HOMER1: variants seen among roughly 807,000 people sequenced by gnomAD.
HOMER1 encodes the protein homer protein homolog 1.
A neutral mutation model predicts 48.9 loss-of-function variants in HOMER1; 3 were observed. The observed-to-expected ratio is 0.06, with a 90% CI of 0.03 to 0.16. The LOEUF is 0.16. HOMER1 is among the 10% of genes least tolerant of loss of function. The pLI, the probability that HOMER1 is intolerant of heterozygous loss-of-function variation, is 1.00. For synonymous variants in HOMER1, 134 were observed against 146.4 expected, an observed-to-expected ratio of 0.92 and a Z score of 0.61; for missense variants, 247 against 411.4, an observed-to-expected ratio of 0.60 and a Z score of 3.46.
intron 8 of HOMER1, among the ~76,000 whole-genome samples, chr5:79,381,529 C>T (rs1183207845): frequency 6.6e-6 from 1 of 152,142 alleles, no homozygotes; most frequent in African/African-American, 2.4e-5. Flanking sequence ...ATAAAGTCCC[C>T]CCAAAAGAAT....
At chr5:79,417,227 C>T (rs1270002684) in intron 5 of HOMER1, among the ~76,000 whole-genome samples, 1 of 151,972 alleles carries the variant, frequency 6.6e-6, no homozygotes, top group East Asian at 1.9e-4. Context: ...ACTGAAAGCT[C>T]CGCCTCCCGG....
intron 1 of HOMER1, among the ~76,000 whole-genome samples, chr5:79,472,074 T>C (rs990020209): frequency 2.6e-5 from 4 of 152,122 alleles, no homozygotes; most frequent in Non-Finnish European, 5.9e-5. Context: ...ATTGTCCTTT[T>C]CCCCCAAGTA....
intron 8 of HOMER1, among the ~76,000 whole-genome samples, chr5:79,392,039 T>C (rs1749267298): frequency 6.6e-6 from 1 of 152,156 alleles, no homozygotes; most frequent in African/African-American, 2.4e-5. Flanking sequence ...GTGATGCCGA[T>C]ATAAATAAAT....
intron 1 of HOMER1, among the ~76,000 whole-genome samples, chr5:79,476,855 G>C (rs1054115664): frequency 2.6e-5 from 4 of 152,082 alleles, no homozygotes; most frequent in African/African-American, 9.7e-5. Flanking sequence ...GGACAAAAAA[G>C]GTATAATTTA....
intron 1 of HOMER1, among the ~76,000 whole-genome samples, chr5:79,478,580 G>T (rs964848116): frequency 6.6e-6 from 1 of 151,758 alleles, no homozygotes; most frequent in Non-Finnish European, 1.5e-5. Context: ...AAACAACCTG[G>T]ATCATTTTAA....
chr5:79,490,228 C>T (rs1752230222), intron 1 of HOMER1, among the ~76,000 whole-genome samples: 1 of 152,186 alleles, frequency 6.6e-6, no homozygotes, highest in African/African-American at 2.4e-5. Flanking sequence ...TTAGTCTAAA[C>T]TAATGCTACC....
At chr5:79,469,389 T>C (rs1407353038) in intron 1 of HOMER1, among the ~76,000 whole-genome samples, 21 of 152,224 alleles carry the variant, frequency 1.4e-4, no homozygotes, top group Non-Finnish European at 1.2e-4. Flanking sequence ...TCTTTCTCTA[T>C]GCATTTTTCT....
intron 8 of HOMER1, among the ~76,000 whole-genome samples, chr5:79,393,569 AG>A (rs1373886183): frequency 3.3e-5 from 5 of 152,226 alleles, no homozygotes; most frequent in African/African-American, 1.2e-4. Context: ...GAGATGGCAA[AG>A]AACGGGTCCA....
chr5:79,461,413 C>G (rs1436856769), intron 1 of HOMER1, among the ~76,000 whole-genome samples: 1 of 152,168 alleles, frequency 6.6e-6, no homozygotes, highest in East Asian at 1.9e-4. Flanking sequence ...CTAACTGGAT[C>G]AAACACCAGC....
intron 1 of HOMER1, among the ~76,000 whole-genome samples, chr5:79,476,406 ACT>A (rs1751779713): frequency 6.6e-6 from 1 of 151,840 alleles, no homozygotes; most frequent in African/African-American, 2.4e-5. Context: ...TAATTTTGAC[ACT>A]CTACCTGGAG....
intron 2 of HOMER1, among the ~76,000 whole-genome samples, chr5:79,453,859 A>C (rs1257380094): frequency 6.6e-6 from 1 of 152,222 alleles, no homozygotes; most frequent in Non-Finnish European, 1.5e-5. Context: ...TGAGATGGAG[A>C]AAACACTTGT....
At chr5:79,451,153 A>G in intron 2 of HOMER1, 32 bp from the exon 3 acceptor site, 1 of 1,602,840 alleles carries the variant, frequency 6.2e-7, no homozygotes, top group Non-Finnish European at 8.5e-7. Context: ...AGCAACCAGC[A>G]AAAAATCAGC....
chr5:79,481,276 T>A (rs1303695855), intron 1 of HOMER1, among the ~76,000 whole-genome samples: 2 of 152,208 alleles, frequency 1.3e-5, no homozygotes, highest in Non-Finnish European at 2.9e-5. Context: ...GAGTACCAGA[T>A]CTATCCTTCC....
chr5:79,474,196 C>T (rs1047922541), intron 1 of HOMER1, among the ~76,000 whole-genome samples: 5 of 148,810 alleles, frequency 3.4e-5, no homozygotes, highest in Non-Finnish European at 5.9e-5. Context: ...CACCATCATG[C>T]CCAACCAAAA....
At chr5:79,435,897 C>A (rs562163115) in intron 5 of HOMER1, among the ~76,000 whole-genome samples, 32 of 150,366 alleles carry the variant, frequency 2.1e-4, no homozygotes, top group Admixed American at 7.3e-4. Context: ...GAGGCCGAGG[C>A]GGGTGGATCA....
intron 1 of HOMER1, among the ~76,000 whole-genome samples, chr5:79,485,774 G>A (rs1752082989): frequency 6.6e-6 from 1 of 152,222 alleles, no homozygotes; most frequent in African/African-American, 2.4e-5. Context: ...AGATGATAGT[G>A]TTTCAGGTTC....
chr5:79,494,667 G>C (rs1024947019), intron 1 of HOMER1, among the ~76,000 whole-genome samples: 1 of 152,182 alleles, frequency 6.6e-6, no homozygotes, highest in Non-Finnish European at 1.5e-5. Flanking sequence ...TCAGGAGTTC[G>C]AGACCAGCCT....
intron 1 of HOMER1, among the ~76,000 whole-genome samples, chr5:79,471,266 A>G (rs1751606085): frequency 6.6e-6 from 1 of 152,182 alleles, no homozygotes; most frequent in East Asian, 1.9e-4. Context: ...AAAGGAGGCC[A>G]GGAGCGGTGG....
intron 5 of HOMER1, among the ~76,000 whole-genome samples, chr5:79,408,808 A>C (rs1277729575): frequency 1.6e-5 from 2 of 121,624 alleles, no homozygotes; most frequent in African/African-American, 4.9e-5. Flanking sequence ...GAAGAGGCCA[A>C]GGGGGTGGCT....
Sources: gnomAD v4.1 joint callset for allele counts (sites outside exome capture counted in the v4.1 genomes callset) on GRCh38, gnomAD v4.1.1 for gene constraint, MANE v1.5 for transcripts, NCBI Gene and HGNC (gene_info 2026-07-23, HGNC 2026-07-21) for gene names.